Variants in SH3RF1 observed in about 807,000 individuals in gnomAD.
The protein encoded by SH3RF1 is E3 ubiquitin-protein ligase SH3RF1.
In SH3RF1, 32 loss-of-function variants were observed where a neutral mutation model predicts 74.0. That is an observed-to-expected ratio of 0.43 (90% CI 0.33 to 0.58). SH3RF1 has a LOEUF of 0.58. Ranked by LOEUF, SH3RF1 falls within the 20% of genes least tolerant of loss-of-function variation. The pLI is 0.05. For synonymous variants in SH3RF1, 396 were observed against 439.6 expected (o/e 0.90, Z 1.24); for missense variants, 954 against 1,130.9 (o/e 0.84, Z 2.24).
intron 2 of SH3RF1, among the ~76,000 whole-genome samples, chr4:169,207,652 C>A (rs1730283199): frequency 6.6e-6 from 1 of 152,128 alleles, no homozygotes; most frequent in Admixed American, 6.5e-5. Context: ...TGAGGCAGTC[C>A]AGGTTCTGGA....
At chr4:169,175,857 A>G (rs78554764) in intron 2 of SH3RF1, among the ~76,000 whole-genome samples, 3,503 of 152,202 alleles carry the variant, frequency 0.023, 78 homozygotes, top group Middle Eastern at 0.031. Context: ...TTGAAACCCT[A>G]ACCAGTGCGA....
chr4:169,259,066 C>T (rs1440982348), intron 2 of SH3RF1, among the ~76,000 whole-genome samples: 2 of 152,190 alleles, frequency 1.3e-5, no homozygotes, highest in African/African-American at 4.8e-5. Context: ...CTTTAGCTTT[C>T]TTTCTGTATA....
At chr4:169,167,033 CA>C in intron 2 of SH3RF1, 1 of 212,398 alleles carries the variant, frequency 4.7e-6, no homozygotes. Context: ...TAACAAAAAT[CA>C]AAGCCATTCC....
chr4:169,197,693 G>T (rs1734839381), intron 2 of SH3RF1, among the ~76,000 whole-genome samples: 1 of 149,296 alleles, frequency 6.7e-6, no homozygotes, highest in Admixed American at 6.7e-5. Context: ...AACAAATTGT[G>T]TACAGAATGA....
At chr4:169,221,734 C>T (rs1730567099) in intron 2 of SH3RF1, among the ~76,000 whole-genome samples, 2 of 152,176 alleles carry the variant, frequency 1.3e-5, no homozygotes, top group South Asian at 4.1e-4. Context: ...TGACAAAACA[C>T]TTCATCTTTT....
chr4:169,136,568 C>G lies in SH3RF1; in HGVS notation c.818G>C (p.Gly273Ala), dbSNP rs1304778044. Reference sequence around the variant, plus strand: ...CGAGGAACATTCTCCAGCATCAACTCCTGGCACAGGAGGCTTATCCCATTC... The same window carrying G: ...CGAGGAACATTCTCCAGCATCAACTGCTGGCACAGGAGGCTTATCCCATTC... ...LIEWDKPPVP[G>A]VDAGECSSAA... is the part of the protein sequence containing the mutation. The change falls in exon 5 of 12, where the codon GGA becomes GCA. Residue 273 changes from glycine (G) to alanine (A), a missense_variant. Physicochemically the swap from Gly to Ala is moderately conservative, Grantham distance 60 (BLOSUM62 0). This residue lies in a region of SH3RF1 where 854 missense variants were observed against 962.5 expected (regional missense o/e 0.89). Transcript: ENST00000284637. The G allele has an allele frequency of 1.9e-6, 3 of 1,595,580 alleles. No homozygotes were observed. The highest frequency in any genetic ancestry group is 1.7e-6 in the Non-Finnish European group (2 of 1,171,724).
Position 169,107,128 on chromosome 4 carries a change from C to T in SH3RF1, c.2217G>A (p.Ser739=), listed in dbSNP as rs779795965. The change falls in exon 11 of 12, where the codon TCG becomes TCA. Residue 739 remains serine, a synonymous_variant. Coordinates refer to ENST00000284637, the MANE Select transcript of SH3RF1 (RefSeq NM_020870.4). ...TGCCCAGCTCCACTTCTAGGGTGGGCGATGCTGGAGGAGACACGCGGGGCT... is the reference window on the plus strand; with the variant it reads ...TGCCCAGCTCCACTTCTAGGGTGGGTGATGCTGGAGGAGACACGCGGGGCT... ...KRKPRVSPPA[S]PTLEVELGSA... The T allele has an allele frequency of 3.1e-6, 5 of 1,610,522 alleles. No homozygotes were observed. The highest frequency in any genetic ancestry group is 1.7e-5 in the Admixed American group (1 of 59,716).
intron 2 of SH3RF1, among the ~76,000 whole-genome samples, chr4:169,251,579 G>A (rs186260215): frequency 2.4e-4 from 36 of 152,256 alleles, no homozygotes; most frequent in South Asian, 1.0e-3. Flanking sequence ...GTTGGCTTTC[G>A]TCCTTCAAAA....
intron 2 of SH3RF1, among the ~76,000 whole-genome samples, chr4:169,192,583 C>A (rs549719353): frequency 6.6e-6 from 1 of 152,122 alleles, no homozygotes; most frequent in East Asian, 1.9e-4. Context: ...CGTGGAGATT[C>A]CTTAAAGAAC....
chr4:169,187,402 G>C (rs1734625475), intron 2 of SH3RF1, among the ~76,000 whole-genome samples: 1 of 152,010 alleles, frequency 6.6e-6, no homozygotes, highest in South Asian at 2.1e-4. Context: ...TATTACCCAA[G>C]CTAGTCTCAA....
chr4:169,262,409 G>A (rs977938798), intron 2 of SH3RF1, among the ~76,000 whole-genome samples: 1 of 152,194 alleles, frequency 6.6e-6, no homozygotes, highest in Non-Finnish European at 1.5e-5. Flanking sequence ...GCTCACGCCT[G>A]TAATCCCAGC....
At chr4:169,128,564 T>G (rs1024188675) in intron 6 of SH3RF1, among the ~76,000 whole-genome samples, 8 of 152,250 alleles carry the variant, frequency 5.3e-5, no homozygotes, top group African/African-American at 1.9e-4. Context: ...ACTCTACATT[T>G]ATTTATATCC....
At chr4:169,222,370 C>CA (rs1730580978) in intron 2 of SH3RF1, among the ~76,000 whole-genome samples, 2 of 152,034 alleles carry the variant, frequency 1.3e-5, no homozygotes, top group African/African-American at 4.8e-5. Context: ...GAGGCTGACG[C>CA]AGGAGAACTG....
intron 2 of SH3RF1, among the ~76,000 whole-genome samples, chr4:169,267,000 G>C (rs1228442901): frequency 6.6e-6 from 1 of 152,064 alleles, no homozygotes; most frequent in Non-Finnish European, 1.5e-5. Context: ...TTTTTCTCAT[G>C]CTAAAGAAGA....
chr4:169,212,682 C>T (rs1730399177), intron 2 of SH3RF1, among the ~76,000 whole-genome samples: 1 of 152,192 alleles, frequency 6.6e-6, no homozygotes, highest in Non-Finnish European at 1.5e-5. Context: ...TTCTTACAAT[C>T]AGTGAACCTA....
At chr4:169,192,785 A>G (rs1734745039) in intron 2 of SH3RF1, among the ~76,000 whole-genome samples, 1 of 145,406 alleles carries the variant, frequency 6.9e-6, no homozygotes, top group South Asian at 2.1e-4. Context: ...ATATATACAT[A>G]TATGTTTCTT....
At chr4:169,138,121 C>A (rs1733729003) in intron 4 of SH3RF1, among the ~76,000 whole-genome samples, 1 of 152,140 alleles carries the variant, frequency 6.6e-6, no homozygotes, top group Non-Finnish European at 1.5e-5. Context: ...CTATTACAAG[C>A]ATTTTCAAGG....
intron 6 of SH3RF1, among the ~76,000 whole-genome samples, chr4:169,124,018 A>G (rs1357886391): frequency 6.6e-6 from 1 of 152,244 alleles, no homozygotes; most frequent in Non-Finnish European, 1.5e-5. Flanking sequence ...CAAAGCAGAG[A>G]TAAAGATAAT....
chr4:169,226,737 G>A (rs1730658503), intron 2 of SH3RF1, among the ~76,000 whole-genome samples: 1 of 152,206 alleles, frequency 6.6e-6, no homozygotes, highest in Admixed American at 6.5e-5. Flanking sequence ...ATTTTACACA[G>A]TATGCCAAAA....
Sources: allele counts gnomAD v4.1 joint callset (sites outside exome capture counted in the v4.1 genomes callset), GRCh38; gene constraint gnomAD v4.1.1; regional missense constraint gnomAD v4.1.1; transcripts MANE v1.5; gene names NCBI Gene and HGNC (gene_info 2026-07-23, HGNC 2026-07-21).